SNTG1: variants seen among roughly 807,000 people sequenced by gnomAD.
SNTG1 encodes gamma-1-syntrophin.
Under a neutral mutation model 74.7 loss-of-function variants are expected in SNTG1, and 39 were observed. The observed-to-expected ratio is 0.52, with a 90% CI of 0.40 to 0.68. The LOEUF (loss-of-function observed/expected upper bound fraction) is 0.68, where lower values mean the gene tolerates loss of function less well. SNTG1 is among the 30% of genes least tolerant of loss of function. The probability of loss-of-function intolerance (pLI) is 0.00; values close to 1 mark genes in which losing one functional copy is unlikely to be tolerated. For missense variants in SNTG1, 685 were observed against 609.5 expected (o/e 1.12, Z -1.30); for synonymous variants, 254 against 217.1 (o/e 1.17, Z -1.49).
At chr8:50,546,225 C>T (rs1275053218) in intron 11 of SNTG1, among the ~76,000 whole-genome samples, 2 of 141,442 alleles carry the variant, frequency 1.4e-5, no homozygotes, top group African/African-American at 2.9e-5. Context: ...ATTGTAGAAG[C>T]AAATTGATAA....
intron 13 of SNTG1, among the ~76,000 whole-genome samples, chr8:50,612,325 TTAGATCTAG>T (rs1563646728): frequency 4.4e-4 from 67 of 152,324 alleles, no homozygotes; most frequent in African/African-American, 1.5e-3. Flanking sequence ...AAAAATGTCT[TTAGATCTAG>T]TAGAATCCTT....
chr8:50,399,160 C>T (rs1360920699), intron 3 of SNTG1, among the ~76,000 whole-genome samples: 1 of 151,990 alleles, frequency 6.6e-6, no homozygotes, highest in Non-Finnish European at 1.5e-5. Flanking sequence ...TGTTTTAGCA[C>T]TTCGTGTACT....
At chr8:50,673,441 G>T (rs1396206052) in intron 15 of SNTG1, among the ~76,000 whole-genome samples, 2 of 152,090 alleles carry the variant, frequency 1.3e-5, no homozygotes, top group East Asian at 3.9e-4. Context: ...TGTAGCCATT[G>T]TGAATGGGAG....
intron 2 of SNTG1, among the ~76,000 whole-genome samples, chr8:50,288,075 C>T (rs7003725): frequency 0.59 from 90,044 of 152,012 alleles, 29,341 homozygotes; most frequent in East Asian, 0.85. Flanking sequence ...TACCAGGATG[C>T]ACTCACTTAT....
chr8:50,436,681 G>T (rs1265772236), intron 4 of SNTG1, among the ~76,000 whole-genome samples: 2 of 152,186 alleles, frequency 1.3e-5, no homozygotes, highest in South Asian at 4.1e-4. Flanking sequence ...AGTATTGTTT[G>T]CAATATTCAA....
intron 8 of SNTG1, among the ~76,000 whole-genome samples, chr8:50,474,014 C>T (rs2093675023): frequency 1.3e-5 from 2 of 151,794 alleles, no homozygotes; most frequent in African/African-American, 2.4e-5. Flanking sequence ...GGTGCAACGG[C>T]TCCATGGAGT....
chr8:50,706,385 T>C (rs1181293909), intron 16 of SNTG1, among the ~76,000 whole-genome samples: 1 of 152,170 alleles, frequency 6.6e-6, no homozygotes. Context: ...GACAGTTTTG[T>C]TATTGAAATT....
At position 50,616,649 on chromosome 8, in the gene SNTG1, C is replaced by CA. The variant is rs760398318; in HGVS notation, c.849+25733dup. Among the ~76,000 whole-genome samples, 216 of 152,176 alleles carry CA rather than the reference C, an allele frequency of 1.4e-3. 1 individual carries two copies. The highest frequency in any genetic ancestry group is 2.5e-3 in the Non-Finnish European group (170 of 68,036). ...TCTTGAGCCCTCCCCCTCAGCTTCTCAGAGTGCACACAGCCAAAGCCAATC... is the reference window on the plus strand; with the variant it reads ...TCTTGAGCCCTCCCCCTCAGCTTCTCAAGAGTGCACACAGCCAAAGCCAATC... On this transcript the variant is annotated intron_variant, in intron 13 of 18. Coordinates refer to ENST00000642720, the MANE Select transcript of SNTG1 (RefSeq NM_018967.5).
At chr8:50,017,178 T>A (rs1243963892) in intron 1 of SNTG1, among the ~76,000 whole-genome samples, 1 of 152,140 alleles carries the variant, frequency 6.6e-6, no homozygotes, top group Non-Finnish European at 1.5e-5. Context: ...CTTAGGTCAA[T>A]ATCTTTCTGT....
chr8:50,432,967 T>G (rs1243032014), intron 4 of SNTG1, among the ~76,000 whole-genome samples: 4 of 151,284 alleles, frequency 2.6e-5, no homozygotes, highest in African/African-American at 9.8e-5. Flanking sequence ...TTTTTTCTAT[T>G]TAGTAGAGAT....
At chr8:50,309,578 T>C (rs2090030763) in intron 2 of SNTG1, among the ~76,000 whole-genome samples, 1 of 152,148 alleles carries the variant, frequency 6.6e-6, no homozygotes, top group Admixed American at 6.5e-5. Flanking sequence ...TTAGGGCAAA[T>C]TGATTGTATC....
chr8:50,597,154 T>G (rs2094733166), intron 13 of SNTG1, among the ~76,000 whole-genome samples: 1 of 151,734 alleles, frequency 6.6e-6, no homozygotes, highest in African/African-American at 2.4e-5. Context: ...CACTGATGAT[T>G]GAGATCATGT....
intron 1 of SNTG1, among the ~76,000 whole-genome samples, chr8:49,945,769 G>A (rs1809126022): frequency 6.6e-6 from 1 of 152,112 alleles, no homozygotes; most frequent in Admixed American, 6.6e-5. Flanking sequence ...GTTAACTCAA[G>A]GTCTACCTGT....
At chr8:50,476,722 G>A (rs2093699223) in intron 8 of SNTG1, among the ~76,000 whole-genome samples, 2 of 152,212 alleles carry the variant, frequency 1.3e-5, no homozygotes, top group Non-Finnish European at 2.9e-5. Flanking sequence ...GGGCTTAGAA[G>A]GTACTGTCAC....
intron 1 of SNTG1, among the ~76,000 whole-genome samples, chr8:50,049,699 A>G (rs1196369276): frequency 6.6e-6 from 1 of 152,108 alleles, no homozygotes; most frequent in Non-Finnish European, 1.5e-5. Flanking sequence ...AATAGACTAC[A>G]TTCGGGGCCA....
intron 1 of SNTG1, among the ~76,000 whole-genome samples, chr8:49,975,142 T>TA (rs1353285824): frequency 6.6e-6 from 1 of 152,156 alleles, no homozygotes. Context: ...GCTGTGTACT[T>TA]AAAGACATAT....
At chr8:50,221,497 C>T (rs2085064149) in intron 2 of SNTG1, among the ~76,000 whole-genome samples, 1 of 144,010 alleles carries the variant, frequency 6.9e-6, no homozygotes, top group Non-Finnish European at 1.5e-5. Context: ...TCTGCTACCC[C>T]TCCCAACACA....
chr8:50,157,727 G>A (rs2082296065), intron 1 of SNTG1, among the ~76,000 whole-genome samples: 1 of 152,018 alleles, frequency 6.6e-6, no homozygotes, highest in South Asian at 2.1e-4. Context: ...ATTCAGCCAA[G>A]GAAACAAAAC....
intron 2 of SNTG1, among the ~76,000 whole-genome samples, chr8:50,225,886 C>A (rs1029018588): frequency 2.0e-5 from 3 of 152,084 alleles, no homozygotes; most frequent in Admixed American, 6.6e-5. Context: ...GAAGTATTGA[C>A]AATTGGCATA....
Sources: allele counts gnomAD v4.1 joint callset (sites outside exome capture counted in the v4.1 genomes callset), GRCh38; gene constraint gnomAD v4.1.1; transcripts MANE v1.5; gene names NCBI Gene and HGNC (gene_info 2026-07-23, HGNC 2026-07-21).